Variants in GAS7 observed in about 807,000 individuals in gnomAD.
GAS7 encodes the protein growth arrest specific 7, also known as growth arrest-specific protein 7.
GAS7 carries 28 observed loss-of-function variants against 71.1 expected under a neutral mutation model. The observed-to-expected ratio is 0.39, with a 90% confidence interval of 0.29 to 0.54. The LOEUF (loss-of-function observed/expected upper bound fraction) is 0.54, where lower values mean the gene tolerates loss of function less well. Among genes scored for constraint, GAS7 ranks in the 20% least tolerant of loss-of-function variants. The pLI is 0.62. For missense variants in GAS7, 436 were observed against 627.8 expected (o/e 0.69, Z 3.27); for synonymous variants, 258 against 245.8 (o/e 1.05, Z -0.46).
chr17:10,171,549 A>G (rs532023114), intron 1 of GAS7, among the ~76,000 whole-genome samples: 2 of 152,242 alleles, frequency 1.3e-5, no homozygotes, highest in Non-Finnish European at 2.9e-5. Flanking sequence ...TTTGGACTTG[A>G]AAATTCTAAG....
chr17:10,024,081 G>A (rs1415458087), intron 1 of GAS7, among the ~76,000 whole-genome samples: 2 of 152,102 alleles, frequency 1.3e-5, no homozygotes, highest in Non-Finnish European at 2.9e-5. Context: ...CCAAGACTGC[G>A]CCATTGTACT....
intron 1 of GAS7, among the ~76,000 whole-genome samples, chr17:10,133,792 G>A (rs2074017734): frequency 6.8e-6 from 1 of 146,852 alleles, no homozygotes; most frequent in African/African-American, 2.5e-5. Context: ...GAGATCACAT[G>A]GTATTTATCT....
chr17:10,043,217 AC>A (rs888385688), intron 1 of GAS7, among the ~76,000 whole-genome samples: 3 of 151,934 alleles, frequency 2.0e-5, no homozygotes, highest in African/African-American at 7.3e-5. Flanking sequence ...TGCATGCAAC[AC>A]CCCCAGGGCC....
intron 1 of GAS7, among the ~76,000 whole-genome samples, chr17:10,104,614 A>G (rs12941516): frequency 0.092 from 13,925 of 152,106 alleles, 731 homozygotes; most frequent in South Asian, 0.18. Context: ...CATTTTCTTC[A>G]CTTCCAAAAA....
intron 1 of GAS7, 39 bp downstream of exon 1, chr17:10,198,169 G>GCAGCCCCGGCTCCTA (rs1567629537): frequency 1.3e-6 from 2 of 1,581,682 alleles, no homozygotes; most frequent in South Asian, 2.2e-5. Context: ...ACCGAGGACC[G>GCAGCCCCGGCTCCTA]CAGCCCCGGC....
At chr17:10,086,350 C>G (rs1246016683) in intron 1 of GAS7, among the ~76,000 whole-genome samples, 1 of 152,228 alleles carries the variant, frequency 6.6e-6, no homozygotes, top group Admixed American at 6.5e-5. Context: ...CATGACAGCA[C>G]TGATCATATC....
chr17:10,119,089 C>T (rs2073885326), intron 1 of GAS7, among the ~76,000 whole-genome samples: 1 of 152,148 alleles, frequency 6.6e-6, no homozygotes, highest in Non-Finnish European at 1.5e-5. Flanking sequence ...GGGAAATAAA[C>T]CCTTGCTTTC....
At chr17:9,975,647 GTGTAT>G (rs1346408978) in intron 3 of GAS7, among the ~76,000 whole-genome samples, 1 of 152,042 alleles carries the variant, frequency 6.6e-6, no homozygotes, top group Non-Finnish European at 1.5e-5. Flanking sequence ...TCTGCCAGAT[GTGTAT>G]TGTAAGTGTT....
intron 2 of GAS7, among the ~76,000 whole-genome samples, chr17:10,015,021 G>T (rs1265927745): frequency 6.6e-6 from 1 of 152,048 alleles, no homozygotes; most frequent in African/African-American, 2.4e-5. Flanking sequence ...TGGGTGTGGT[G>T]GCGCATGTCT....
intron 1 of GAS7, among the ~76,000 whole-genome samples, chr17:10,130,079 G>C (rs2073984204): frequency 6.6e-6 from 1 of 151,548 alleles, no homozygotes; most frequent in African/African-American, 2.4e-5. Flanking sequence ...TGAGGCAGGA[G>C]AATCTCTTGG....
At chr17:10,197,522 G>T (rs1328229371) in intron 1 of GAS7, among the ~76,000 whole-genome samples, 1 of 152,200 alleles carries the variant, frequency 6.6e-6, no homozygotes, top group Non-Finnish European at 1.5e-5. Flanking sequence ...CCTTGCCTCA[G>T]CAGGTCCTGT....
Position 9,969,537 on chromosome 17 carries a change from A to G in GAS7, c.471+140T>C, listed in dbSNP as rs997815523. 2 of 618,386 alleles carry G rather than the reference A, an allele frequency of 3.2e-6. No homozygotes were observed. Among genetic ancestry groups the G allele is most frequent in the Non-Finnish European group, 5.9e-6 (2 of 337,572 alleles). The allele number at this position is 618,386 out of a possible 1,614,324, so 38.3% of individuals were successfully genotyped here. A position where few individuals can be genotyped will look rare whatever the true frequency, so the allele number is the denominator to read the frequency against. On this transcript the variant is annotated intron_variant, in intron 4 of 13. Transcript: ENST00000432992. This position sits in a 1 kb window ranked among gnomAD's most constrained non-coding sequence, Gnocchi z 5.5. ...CTCCCCATCAGGGAACACTGAAACAACCCAGACACAGCAACCACTTTCTAC... is the reference window on the plus strand; with the variant it reads ...CTCCCCATCAGGGAACACTGAAACAGCCCAGACACAGCAACCACTTTCTAC...
intron 1 of GAS7, among the ~76,000 whole-genome samples, chr17:10,137,436 G>C (rs2074047751): frequency 6.6e-6 from 1 of 151,348 alleles, no homozygotes; most frequent in Non-Finnish European, 1.5e-5. Flanking sequence ...ATGTATATGA[G>C]TGTTTGTTTC....
chr17:9,964,797 T>G (rs937803748), intron 4 of GAS7, among the ~76,000 whole-genome samples: 6 of 152,190 alleles, frequency 3.9e-5, no homozygotes, highest in African/African-American at 1.4e-4. Flanking sequence ...GCTATAGATA[T>G]CACCTGTGTC....
chr17:10,158,503 GAT>G (rs1188955335), intron 1 of GAS7, among the ~76,000 whole-genome samples: 1 of 151,900 alleles, frequency 6.6e-6, no homozygotes, highest in Admixed American at 6.6e-5. Context: ...AATAAAAAAA[GAT>G]ATGTGCATTA....
intron 2 of GAS7, among the ~76,000 whole-genome samples, chr17:10,002,897 A>T (rs1310108952): frequency 6.6e-6 from 1 of 152,216 alleles, no homozygotes; most frequent in Non-Finnish European, 1.5e-5. Flanking sequence ...TTATAGCAGC[A>T]TGATTCATAA....
At chr17:10,185,381 A>G (rs2074444634) in intron 1 of GAS7, among the ~76,000 whole-genome samples, 1 of 152,124 alleles carries the variant, frequency 6.6e-6, no homozygotes, top group Admixed American at 6.5e-5. Context: ...TGATCACTAG[A>G]GCATGCAGAA....
intron 1 of GAS7, among the ~76,000 whole-genome samples, chr17:10,162,981 T>C (rs890671561): frequency 2.6e-5 from 4 of 152,116 alleles, no homozygotes; most frequent in Admixed American, 2.6e-4. Flanking sequence ...TTCCAATGGT[T>C]AAGATGGTAA....
At chr17:10,130,855 G>A (rs954680454) in intron 1 of GAS7, among the ~76,000 whole-genome samples, 1 of 152,186 alleles carries the variant, frequency 6.6e-6, no homozygotes, top group Non-Finnish European at 1.5e-5. Context: ...GGCGTGGTTG[G>A]GGGGAACGGG....
Sources: gnomAD v4.1 joint callset for allele counts (sites outside exome capture counted in the v4.1 genomes callset) on GRCh38, gnomAD v4.1.1 for gene constraint, Gnocchi (gnomAD v3.1) non-coding constraint, MANE v1.5 for transcripts, NCBI Gene and HGNC (gene_info 2026-07-23, HGNC 2026-07-21) for gene names.